Variants in SEMA6A observed in about 807,000 individuals in gnomAD.
SEMA6A encodes semaphorin 6A, also known as semaphorin-6A.
SEMA6A carries 25 observed loss-of-function variants against 96.8 expected under a neutral mutation model. The observed-to-expected ratio is 0.26, with a 90% CI of 0.19 to 0.36. SEMA6A has a LOEUF of 0.36. SEMA6A is among the 10% of genes least tolerant of loss of function. SEMA6A has a pLI of 1.00. For missense variants in SEMA6A, 1,363 were observed against 1,323.1 expected, an observed-to-expected ratio of 1.03 and a Z score of -0.47; for synonymous variants, 612 against 518.0, an observed-to-expected ratio of 1.18 and a Z score of -2.46.
At chr5:116,476,526 C>A (rs536764186) in intron 15 of SEMA6A, among the ~76,000 whole-genome samples, 1 of 152,280 alleles carries the variant, frequency 6.6e-6, no homozygotes, top group East Asian at 1.9e-4. Flanking sequence ...GTAATGACAG[C>A]CAATATTCAT....
chr5:116,564,444 T>A (rs1376488184), intron 1 of SEMA6A, among the ~76,000 whole-genome samples: 1 of 152,234 alleles, frequency 6.6e-6, no homozygotes, highest in Non-Finnish European at 1.5e-5. Flanking sequence ...ATTGCTTGGC[T>A]TAGACTGGTA....
At chr5:116,457,998 C>A (rs1755124820) in intron 18 of SEMA6A, among the ~76,000 whole-genome samples, 1 of 152,108 alleles carries the variant, frequency 6.6e-6, no homozygotes, top group Admixed American at 6.5e-5. Flanking sequence ...AAAAGAGAAG[C>A]TATTCTCAGG....
intron 11 of SEMA6A, among the ~76,000 whole-genome samples, chr5:116,480,496 G>C (rs573801517): frequency 2.7e-3 from 413 of 152,294 alleles, no homozygotes; most frequent in Non-Finnish European, 4.7e-3. Context: ...GCACAGTTCA[G>C]CCTCAGCTGG....
Position 116,446,776 on chromosome 5 carries a change from G to A in SEMA6A, c.2930C>T (p.Ser977Phe). The A allele has an allele frequency of 6.2e-7, 1 of 1,611,778 alleles. No individual in the cohort carries two copies. Among genetic ancestry groups the A allele is most frequent in the Non-Finnish European group, 8.5e-7 (1 of 1,178,902 alleles). The change falls in exon 19 of 19, where the codon TCT becomes TTT. Residue 977 changes from serine (S) to phenylalanine (F), a missense_variant. Ser to Phe is a radical substitution (Grantham distance 155). Coordinates refer to ENST00000343348, the MANE Select transcript of SEMA6A (RefSeq NM_020796.5). ...CCTCGAGACAGTCACGGCCTGGCCA[G>A]ATGGCTGGGAGCTGTGCACCTGGAT... is the stretch of plus-strand genomic sequence containing the variant. ...DSIQVHSSQP[S>F]GQAVTVSRQP...
At chr5:116,522,628 A>T (rs1356549328) in intron 1 of SEMA6A, among the ~76,000 whole-genome samples, 2 of 152,250 alleles carry the variant, frequency 1.3e-5, no homozygotes, top group African/African-American at 4.8e-5. Flanking sequence ...GCCACAGTGC[A>T]GTCTAACACA....
chr5:116,519,584 G>A (rs1758832549), intron 1 of SEMA6A, among the ~76,000 whole-genome samples: 2 of 151,804 alleles, frequency 1.3e-5, no homozygotes, highest in African/African-American at 4.8e-5. Context: ...TGGGGTCATG[G>A]GCTCACCCAT....
At chr5:116,511,160 T>C (rs549026440) in intron 1 of SEMA6A, among the ~76,000 whole-genome samples, 19 of 152,320 alleles carry the variant, frequency 1.2e-4, no homozygotes, top group South Asian at 1.0e-3. Flanking sequence ...TAAAATGATA[T>C]AGTTTTTGTA....
intron 1 of SEMA6A, among the ~76,000 whole-genome samples, chr5:116,547,755 A>T (rs1760243204): frequency 6.6e-6 from 1 of 151,060 alleles, no homozygotes; most frequent in African/African-American, 2.4e-5. Flanking sequence ...AAAAAAAAAA[A>T]AAAAGCCAAA....
At chr5:116,555,160 A>G (rs2112892412) in intron 1 of SEMA6A, among the ~76,000 whole-genome samples, 1 of 152,342 alleles carries the variant, frequency 6.6e-6, no homozygotes, top group Non-Finnish European at 1.5e-5. Flanking sequence ...ACCCCTGACC[A>G]ACAAGTTCCT....
chr5:116,503,215 G>T (rs1757975928), intron 2 of SEMA6A, among the ~76,000 whole-genome samples: 1 of 152,150 alleles, frequency 6.6e-6, no homozygotes, highest in Non-Finnish European at 1.5e-5. Flanking sequence ...TTTCTGGAGA[G>T]GGGTGGGGGT....
chr5:116,529,664 T>C (rs1487682971), intron 1 of SEMA6A, among the ~76,000 whole-genome samples: 2 of 152,086 alleles, frequency 1.3e-5, no homozygotes, highest in African/African-American at 4.8e-5. Flanking sequence ...CCACACTGTT[T>C]CAAAAAAGAA....
At chr5:116,494,229 A>G (rs1349986324) in intron 6 of SEMA6A, among the ~76,000 whole-genome samples, 2 of 152,230 alleles carry the variant, frequency 1.3e-5, no homozygotes, top group Non-Finnish European at 2.9e-5. Flanking sequence ...TCTCAAGCTC[A>G]ATAGGCCATT....
At position 116,574,491 on chromosome 5, in the gene SEMA6A, G is replaced by T. The variant is rs1173896028; in HGVS notation, c.-345C>A. ...AAAACCAACAAGGAAGAGGGTAAATGTTCAAGAAACTCTTCTCCAAATCCA... is the reference window on the plus strand; with the variant it reads ...AAAACCAACAAGGAAGAGGGTAAATTTTCAAGAAACTCTTCTCCAAATCCA... On this transcript the variant is annotated 5_prime_UTR_variant, in exon 1 of 19. Coordinates refer to ENST00000343348, the MANE Select transcript of SEMA6A (RefSeq NM_020796.5). The T allele has an allele frequency of 6.6e-6, 1 of 151,334 alleles. No homozygotes were observed. The highest frequency in any genetic ancestry group is 1.5e-5 in the Non-Finnish European group (1 of 67,972). The allele number at this position is 151,334 out of a possible 1,614,324, so 9.4% of individuals were successfully genotyped here. A position where few individuals can be genotyped will look rare whatever the true frequency, so the allele number is the denominator to read the frequency against.
At position 116,477,941 on chromosome 5, in the gene SEMA6A, T is replaced by A; in HGVS notation, c.1569-15A>T. 6.2e-7 allele frequency: 1 copy of A among 1,613,974 alleles called. No homozygotes were observed. Among genetic ancestry groups the A allele is most frequent in the Non-Finnish European group, 8.5e-7 (1 of 1,179,852 alleles). The stretch of plus-strand genomic sequence containing the variant: ...CAATACAGGTTCTGCAGGAAGAGGA[T>A]GACCATGAGCTACCTAGGACTGTTT... On this transcript the variant is annotated splice_polypyrimidine_tract_variant and intron_variant, in intron 14 of 18. Transcript: ENST00000343348.
chr5:116,553,631 A>G (rs977778495), intron 1 of SEMA6A, among the ~76,000 whole-genome samples: 3 of 152,174 alleles, frequency 2.0e-5, no homozygotes, highest in East Asian at 1.9e-4. Context: ...GGAGCAAACA[A>G]TGGACTCAAT....
intron 1 of SEMA6A, among the ~76,000 whole-genome samples, chr5:116,549,795 C>G (rs756555281): frequency 4.6e-5 from 7 of 152,150 alleles, no homozygotes; most frequent in Non-Finnish European, 8.8e-5. Context: ...AATTATAACA[C>G]TTTTCAGAGC....
At chr5:116,450,310 T>C (rs187122383) in intron 18 of SEMA6A, among the ~76,000 whole-genome samples, 3 of 152,310 alleles carry the variant, frequency 2.0e-5, no homozygotes, top group Admixed American at 2.0e-4. Context: ...CCTTCCAGGC[T>C]ACCAAATTTA....
In SEMA6A at chr5:116,496,102, T is replaced by C. The variant is rs1354890194; in HGVS notation, c.342+149A>G. The stretch of plus-strand genomic sequence containing the variant: ...ATTAAAAGCAAACTATTTTTGCAAA[T>C]TAAAGCCTTCAGTAAGTTGATGAAA... On this transcript the variant is annotated intron_variant, in intron 5 of 18. Coordinates refer to ENST00000343348, the MANE Select transcript of SEMA6A (RefSeq NM_020796.5). 9.1e-6 allele frequency: 6 copies of C among 661,892 alleles called. No homozygotes were observed. The African/African-American group carries it at 1.1e-4, about 12-fold the overall frequency. The allele number at this position is 661,892 out of a possible 1,614,324, so 41.0% of individuals were successfully genotyped here.
chr5:116,481,239 A>C (rs906275613), intron 11 of SEMA6A, among the ~76,000 whole-genome samples: 2 of 152,188 alleles, frequency 1.3e-5, no homozygotes, highest in African/African-American at 4.8e-5. Flanking sequence ...CCATCTTTAC[A>C]TACCAAGGAG....
Sources: allele counts gnomAD v4.1 joint callset (sites outside exome capture counted in the v4.1 genomes callset), GRCh38; gene constraint gnomAD v4.1.1; transcripts MANE v1.5; gene names NCBI Gene and HGNC (gene_info 2026-07-23, HGNC 2026-07-21).